NFASC: variants seen among roughly 807,000 people sequenced by gnomAD.
The protein encoded by NFASC is neurofascin, also known as neurofascin homolog.
In NFASC, 43 loss-of-function variants were observed where a neutral mutation model predicts 147.5. That is an observed-to-expected ratio of 0.29 (90% CI 0.23 to 0.38). The LOEUF (loss-of-function observed/expected upper bound fraction) is 0.38, where lower values mean the gene tolerates loss of function less well. Among genes scored for constraint, NFASC ranks in the 10% least tolerant of loss-of-function variants. The probability of loss-of-function intolerance (pLI) is 1.00; values close to 1 mark genes in which losing one functional copy is unlikely to be tolerated. For missense variants in NFASC, 1,320 were observed against 1,689.0 expected (o/e 0.78, Z 3.83); for synonymous variants, 622 against 665.5 (o/e 0.93, Z 1.01).
chr1:205,012,642 G>A (rs1438971837), intron 28 of NFASC, 155 bp from the exon 29 acceptor site: 2 of 668,092 alleles, frequency 3.0e-6, no homozygotes, highest in Admixed American at 2.2e-5. Flanking sequence ...AGTACAGGAA[G>A]CAAAAACAAG....
At chr1:205,009,236 G>T (rs1403655512) in intron 27 of NFASC, 1 of 437,956 alleles carries the variant, frequency 2.3e-6, no homozygotes, top group Non-Finnish European at 4.3e-6. Flanking sequence ...ATTAGGCTGT[G>T]ACCAGCCCTC....
intron 3 of NFASC, among the ~76,000 whole-genome samples, chr1:204,945,242 A>ATG (rs2093643287): frequency 6.6e-6 from 1 of 152,124 alleles, no homozygotes; most frequent in Admixed American, 6.5e-5. Context: ...TTCTGGCAAA[A>ATG]TGTCTTAGCA....
chr1:204,894,947 C>A (rs141749384), intron 1 of NFASC, among the ~76,000 whole-genome samples: 10 of 152,316 alleles, frequency 6.6e-5, no homozygotes, highest in South Asian at 2.1e-4. Context: ...TAATTACTAA[C>A]AGTGTTGCCT....
chr1:204,938,688 G>A lies in NFASC; in HGVS notation c.-90-5538G>A, dbSNP rs114699569. Among the ~76,000 whole-genome samples, 1,326 of 152,282 alleles carry A rather than the reference G, an allele frequency of 8.7e-3. 18 individuals carry two copies. Among genetic ancestry groups the A allele is most frequent in the African/African-American group, 0.03 (1,267 of 41,564 alleles). On this transcript the variant is annotated intron_variant, in intron 2 of 29. Coordinates refer to ENST00000339876, the MANE Select transcript of NFASC (RefSeq NM_001005388.3). ...TAGCAAACTCACATGTGACATCTTGGACATTTTGAATCTGAATCACTCACA... is the reference window on the plus strand; with the variant it reads ...TAGCAAACTCACATGTGACATCTTGAACATTTTGAATCTGAATCACTCACA...
chr1:204,998,111 G>T lies in NFASC; in HGVS notation c.3019+705G>T, dbSNP rs72753466. The stretch of plus-strand genomic sequence containing the variant: ...ATTCTCAGAGCCCCTGGTAAGAATC[G>T]ATCCCAGGGCTGGTACGCTGAGCCA... On this transcript the variant is annotated intron_variant, in intron 25 of 29. Coordinates refer to ENST00000339876, the MANE Select transcript of NFASC (RefSeq NM_001005388.3). The T allele has an allele frequency of 8.0e-3, 1,233 of 153,482 alleles. 24 individuals carry two copies. The highest frequency in any genetic ancestry group is 0.013 in the South Asian group (63 of 4,874). 9.5% of individuals were successfully genotyped at this position (153,482 alleles called of 1,614,324 possible).
intron 1 of NFASC, among the ~76,000 whole-genome samples, chr1:204,876,634 G>T (rs544553913): frequency 6.6e-6 from 1 of 152,094 alleles, no homozygotes; most frequent in Non-Finnish European, 1.5e-5. Flanking sequence ...CCTGGCAACC[G>T]CCATTCTACT....
At chr1:204,871,191 C>A in intron 1 of NFASC, 3 of 977,464 alleles carry the variant, frequency 3.1e-6, no homozygotes, top group Non-Finnish European at 2.8e-6. Flanking sequence ...CCCAACAAAG[C>A]TAAGACTGTG....
At chr1:204,832,431 G>T (rs1672487295) in intron 1 of NFASC, among the ~76,000 whole-genome samples, 1 of 148,268 alleles carries the variant, frequency 6.7e-6, no homozygotes, top group African/African-American at 2.6e-5. Flanking sequence ...ACACCTGCAA[G>T]GTGTGTGAAA....
intron 21 of NFASC, among the ~76,000 whole-genome samples, chr1:204,985,645 C>T (rs1295661900): frequency 6.6e-6 from 1 of 152,200 alleles, no homozygotes; most frequent in Non-Finnish European, 1.5e-5. Flanking sequence ...GTTTGGCCAA[C>T]TTGCTCATTC....
intron 1 of NFASC, among the ~76,000 whole-genome samples, chr1:204,852,367 G>T (rs1572046124): frequency 6.6e-6 from 1 of 152,322 alleles, no homozygotes; most frequent in East Asian, 1.9e-4. Context: ...GAGCGTGGTG[G>T]CATGTGCCTG....
In NFASC at chr1:204,997,346, GCCACCACCACCACGGAGAGTCCTC is replaced by G. The variant is rs571142411; in HGVS notation, c.2971_2994del (p.Thr991_Thr998del). ...CACAACTACTACAACCACTGCTGCCGCCACCACCACCACGGAGAGTCCTCCCACCACCACCTCCGGGACTAAGAT... is the reference window on the plus strand; with the variant it reads ...CACAACTACTACAACCACTGCTGCCGCCACCACCACCTCCGGGACTAAGAT... On this transcript the variant is annotated inframe_deletion, in exon 25 of 30. Coordinates refer to ENST00000339876, the MANE Select transcript of NFASC (RefSeq NM_001005388.3). 74 of 1,561,456 alleles carry G rather than the reference GCCACCACCACCACGGAGAGTCCTC, an allele frequency of 4.7e-5. No individual in the cohort carries two copies. The highest frequency in any genetic ancestry group is 3.4e-4 in the East Asian group (14 of 41,180).
Position 205,016,528 on chromosome 1 carries a change from T to A in NFASC, c.3712T>A (p.Ser1238Thr), listed in dbSNP as rs1360694327. ...EATSPVNAIY[S>T]LA ...CACGTCACCTGTCAATGCTATCTAC[T>A]CTCTGGCCTAACGGAGCCCACCCAG... Residue 1238 changes from serine (S) to threonine (T), a missense_variant, in exon 30 of 30, where the codon TCT (serine) becomes ACT (threonine). By Grantham distance (58) the Ser-to-Thr change is moderately conservative. Coordinates refer to ENST00000339876, the MANE Select transcript of NFASC (RefSeq NM_001005388.3). This position sits in a 1 kb window ranked among gnomAD's most constrained non-coding sequence, Gnocchi z 5.1. 1 of 1,613,198 alleles carries A rather than the reference T, an allele frequency of 6.2e-7. No individual in the cohort carries two copies. The highest frequency in any genetic ancestry group is 1.7e-5 in the Admixed American group (1 of 60,008).
chr1:204,939,038 A>ATGGGTG, intron 2 of NFASC, among the ~76,000 whole-genome samples: 1 of 123,670 alleles, frequency 8.1e-6, no homozygotes, highest in South Asian at 2.9e-4. Context: ...GTATGGATGG[A>ATGGGTG]TGTGTGTGTG....
intron 23 of NFASC, chr1:204,989,211 G>C: frequency 4.5e-6 from 1 of 223,228 alleles, no homozygotes; most frequent in Non-Finnish European, 9.1e-6. Context: ...GGGCTCTGGG[G>C]ACAACCTTCT....
intron 1 of NFASC, among the ~76,000 whole-genome samples, chr1:204,881,129 G>A (rs748952113): frequency 6.6e-6 from 1 of 152,182 alleles, no homozygotes; most frequent in Non-Finnish European, 1.5e-5. Flanking sequence ...GGGTAGTGTC[G>A]CTGTGTTCCC....
chr1:204,948,800 G>A, intron 3 of NFASC: 1 of 497,356 alleles, frequency 2.0e-6, no homozygotes, highest in South Asian at 1.5e-5. Flanking sequence ...GAGGTCCCTT[G>A]TCAGGCTTGC....
intron 5 of NFASC, 45 bp downstream of exon 5, chr1:204,952,161 T>C (rs1428561568): frequency 1.4e-6 from 2 of 1,445,668 alleles, no homozygotes; most frequent in Non-Finnish European, 1.9e-6. Context: ...CCCGCTTGCC[T>C]CTGGGCCTGA....
intron 1 of NFASC, among the ~76,000 whole-genome samples, chr1:204,886,040 G>A (rs887154082): frequency 1.3e-5 from 2 of 152,178 alleles, no homozygotes; most frequent in Non-Finnish European, 2.9e-5. Context: ...TATCCTCAGG[G>A]ATGGGCAGTC....
intron 23 of NFASC, chr1:204,990,486 A>C (rs2095702867): frequency 1.3e-5 from 2 of 152,192 alleles, no homozygotes; most frequent in East Asian, 3.9e-4. Flanking sequence ...CCCAGGGGAC[A>C]AAAGGACAAA....
Sources: allele counts gnomAD v4.1 joint callset (sites outside exome capture counted in the v4.1 genomes callset), GRCh38; gene constraint gnomAD v4.1.1; non-coding constraint Gnocchi (gnomAD v3.1); transcripts MANE v1.5; gene names NCBI Gene and HGNC (gene_info 2026-07-23, HGNC 2026-07-21).